MYLK: variants seen among roughly 807,000 people sequenced by gnomAD.
The protein encoded by MYLK is myosin light chain kinase, smooth muscle.
A neutral mutation model predicts 203.4 loss-of-function variants in MYLK; 106 were observed. The ratio of observed to expected loss-of-function variants is 0.52; its 90% CI spans 0.45 to 0.61. The LOEUF (loss-of-function observed/expected upper bound fraction) is 0.61, where lower values mean the gene tolerates loss of function less well. Ranked by LOEUF, MYLK falls within the 20% of genes least tolerant of loss-of-function variation. The pLI, the probability that MYLK is intolerant of heterozygous loss-of-function variation, is 0.00. For missense variants in MYLK, 2,072 were observed against 2,442.3 expected (o/e 0.85, Z 3.20); for synonymous variants, 867 against 959.5 (o/e 0.90, Z 1.78).
chr3:123,737,118 C>A (rs1198396992), intron 8 of MYLK: 2 of 478,414 alleles, frequency 4.2e-6, no homozygotes, highest in Non-Finnish European at 7.6e-6. Context: ...ACTCAGGAGG[C>A]TGAGGCAGGA....
In MYLK at chr3:123,614,281, T is replaced by C. The variant is rs928506385; in HGVS notation, c.5569A>G (p.Ile1857Val). ...QSIRESRHFQ[I>V]DYDEDGNCSL... Reference sequence around the variant, plus strand: ...CAGTTCCCGTCCTCATCGTAGTCTATCTGGAAGTGGCGGGACTCCCTGATT... The same window carrying C: ...CAGTTCCCGTCCTCATCGTAGTCTACCTGGAAGTGGCGGGACTCCCTGATT... Residue 1857 changes from isoleucine (I) to valine (V), a missense_variant, in exon 34 of 34, where the codon ATA (isoleucine) becomes GTA (valine). Physicochemically the swap from Ile to Val is conservative, Grantham distance 29. Transcript: ENST00000360304. 1 of 1,614,030 alleles carries C rather than the reference T, an allele frequency of 6.2e-7. No individual in the cohort carries two copies. The highest frequency in any genetic ancestry group is 8.5e-7 in the Non-Finnish European group (1 of 1,180,030).
intron 4 of MYLK, among the ~76,000 whole-genome samples, chr3:123,754,739 A>G (rs538204370): frequency 3.9e-5 from 6 of 152,340 alleles, no homozygotes; most frequent in African/African-American, 1.2e-4. Flanking sequence ...CTGCAATAGT[A>G]CACCTGGCCT....
At chr3:123,673,436 C>T (rs566566106) in intron 20 of MYLK, among the ~76,000 whole-genome samples, 1 of 151,884 alleles carries the variant, frequency 6.6e-6, no homozygotes, top group Admixed American at 6.6e-5. Context: ...TAACATCAGC[C>T]CCTCCCCCCA....
intron 29 of MYLK, among the ~76,000 whole-genome samples, chr3:123,637,739 G>A (rs1010435662): frequency 3.0e-4 from 45 of 152,276 alleles, no homozygotes; most frequent in Non-Finnish European, 5.4e-4. Flanking sequence ...CACAAGTGAG[G>A]TTTTATTACT....
At chr3:123,832,200 G>A (rs1334778875) in intron 2 of MYLK, among the ~76,000 whole-genome samples, 1 of 152,178 alleles carries the variant, frequency 6.6e-6, no homozygotes, top group African/African-American at 2.4e-5. Flanking sequence ...CTGTCCCAGG[G>A]CTGGGCTGAT....
At chr3:123,869,119 G>A (rs1289916236) in intron 2 of MYLK, among the ~76,000 whole-genome samples, 1 of 152,136 alleles carries the variant, frequency 6.6e-6, no homozygotes, top group Non-Finnish European at 1.5e-5. Context: ...CCTAGGAGCT[G>A]TAGTGCCCTT....
At chr3:123,662,613 A>G (rs534329039) in intron 23 of MYLK, among the ~76,000 whole-genome samples, 69 of 152,234 alleles carry the variant, frequency 4.5e-4, no homozygotes, top group Non-Finnish European at 1.5e-4. Context: ...CTAACTTCAT[A>G]TCTAGATACT....
At chr3:123,687,776 G>C (rs1005194280) in intron 19 of MYLK, among the ~76,000 whole-genome samples, 2 of 151,800 alleles carry the variant, frequency 1.3e-5, no homozygotes, top group Admixed American at 6.6e-5. Flanking sequence ...TGCTCAAGCT[G>C]TCCTCCTGGC....
In MYLK at chr3:123,648,330, G is replaced by A. The variant is rs921762151; in HGVS notation, c.4415+641C>T. Among the ~76,000 whole-genome samples, 7 of 152,196 alleles carry A rather than the reference G, an allele frequency of 4.6e-5. No homozygotes were observed. The highest frequency in any genetic ancestry group is 2.0e-4 in the Admixed American group (3 of 15,282). On this transcript the variant is annotated intron_variant, in intron 26 of 33. Transcript: ENST00000360304. The surrounding 1 kb of genome is among the most constrained non-coding windows in gnomAD (Gnocchi z 4.5). ...AGCCAAGTTCATGAGGGAGCTTGAT[G>A]ACTGCTGCGCGTTTAATGGAGCACT...
At chr3:123,647,574 T>C (rs930460027) in intron 26 of MYLK, 147 bp from the exon 27 acceptor site, 2 of 731,768 alleles carry the variant, frequency 2.7e-6, no homozygotes, top group African/African-American at 3.5e-5. Flanking sequence ...TGCCTGGCTG[T>C]TTGCATGTTG....
intron 12 of MYLK, among the ~76,000 whole-genome samples, chr3:123,725,429 T>C (rs2062245001): frequency 6.6e-6 from 1 of 152,224 alleles, no homozygotes. Flanking sequence ...GGCGAGTCTC[T>C]ATAGGACTAT....
At chr3:123,650,962 C>T (rs2059191771) in intron 24 of MYLK, among the ~76,000 whole-genome samples, 1 of 152,142 alleles carries the variant, frequency 6.6e-6, no homozygotes, top group Non-Finnish European at 1.5e-5. Context: ...GCATGGGCCC[C>T]AAACAGGGGT....
At chr3:123,708,655 A>G in intron 15 of MYLK, 43 bp downstream of exon 15, 1 of 1,609,940 alleles carries the variant, frequency 6.2e-7, no homozygotes, top group Non-Finnish European at 8.5e-7. Context: ...GAGGGGCTGC[A>G]GCAGCATCTC....
chr3:123,755,932 G>A (rs1286427614), intron 4 of MYLK, among the ~76,000 whole-genome samples: 3 of 152,156 alleles, frequency 2.0e-5, no homozygotes, highest in Non-Finnish European at 4.4e-5. Flanking sequence ...ACCCCTTCCT[G>A]CAAGTCCTCA....
At chr3:123,749,971 G>A (rs2063144172) in intron 5 of MYLK, among the ~76,000 whole-genome samples, 1 of 152,208 alleles carries the variant, frequency 6.6e-6, no homozygotes, top group South Asian at 2.1e-4. Flanking sequence ...AGAGCTGGAG[G>A]GAAGGCAGTT....
chr3:123,648,227 G>A lies in MYLK; in HGVS notation c.4415+744C>T, dbSNP rs1450753391. On this transcript the variant is annotated intron_variant, in intron 26 of 33. Coordinates refer to ENST00000360304, the MANE Select transcript of MYLK (RefSeq NM_053025.4). The surrounding 1 kb of genome is among the most constrained non-coding windows in gnomAD (Gnocchi z 4.5). The stretch of plus-strand genomic sequence containing the variant: ...CTCCAGGGACAGCGTAAGGGCAGAT[G>A]AACAGCTTGGCTCAGGGTTGGGGTC... Among the ~76,000 whole-genome samples, 1 of 152,224 alleles carries A rather than the reference G, an allele frequency of 6.6e-6. No individual in the cohort carries two copies. Among genetic ancestry groups the A allele is most frequent in the Non-Finnish European group, 1.5e-5 (1 of 68,046 alleles).
intron 4 of MYLK, among the ~76,000 whole-genome samples, chr3:123,766,080 T>C (rs902764348): frequency 6.6e-6 from 1 of 152,240 alleles, no homozygotes; most frequent in African/African-American, 2.4e-5. Flanking sequence ...TTTCATTTCA[T>C]GTGTATTTAC....
chr3:123,685,612 G>GAAAAAAAAAAAAA (rs59215456), intron 19 of MYLK, among the ~76,000 whole-genome samples: 1 of 112,418 alleles, frequency 8.9e-6, no homozygotes, highest in African/African-American at 3.4e-5. Flanking sequence ...TCCAAAAAAT[G>GAAAAAAAAAAAAA]AAAAAAAAAA....
intron 4 of MYLK, among the ~76,000 whole-genome samples, chr3:123,769,053 G>A (rs772885153): frequency 6.6e-6 from 1 of 152,126 alleles, no homozygotes; most frequent in Non-Finnish European, 1.5e-5. Flanking sequence ...ATGTTGATCT[G>A]ATCACAGTTC....
Sources: gnomAD v4.1 joint callset for allele counts (sites outside exome capture counted in the v4.1 genomes callset) on GRCh38, gnomAD v4.1.1 for gene constraint, Gnocchi (gnomAD v3.1) non-coding constraint, MANE v1.5 for transcripts, NCBI Gene and HGNC (gene_info 2026-07-23, HGNC 2026-07-21) for gene names.